Variants in BRINP3 observed in about 807,000 individuals in gnomAD.
BRINP3 encodes the protein BMP/retinoic acid-inducible neural-specific protein 3.
Under a neutral mutation model 71.0 loss-of-function variants are expected in BRINP3, and 19 were observed. The ratio of observed to expected loss-of-function variants is 0.27; its 90% CI spans 0.19 to 0.39. The LOEUF is 0.39. BRINP3 is among the 10% of genes least tolerant of loss of function. BRINP3 has a pLI of 1.00. For missense variants in BRINP3, 959 were observed against 940.8 expected (o/e 1.02, Z -0.25); for synonymous variants, 380 against 337.7 (o/e 1.13, Z -1.37).
At chr1:190,423,709 C>T (rs1673523763) in intron 2 of BRINP3, among the ~76,000 whole-genome samples, 1 of 151,666 alleles carries the variant, frequency 6.6e-6, no homozygotes, top group South Asian at 2.1e-4. Flanking sequence ...ATTTCTCAAA[C>T]TGTTGACTTT....
intron 4 of BRINP3, among the ~76,000 whole-genome samples, chr1:190,249,196 T>A (rs1219956689): frequency 6.6e-6 from 1 of 151,826 alleles, no homozygotes; most frequent in Non-Finnish European, 1.5e-5. Flanking sequence ...CAGTAGCCTA[T>A]TAGTTCTCAA....
At chr1:190,442,233 T>C (rs1674871983) in intron 2 of BRINP3, among the ~76,000 whole-genome samples, 1 of 152,218 alleles carries the variant, frequency 6.6e-6, no homozygotes, top group Admixed American at 6.5e-5. Context: ...AAATACTTTA[T>C]GAATTTTAAT....
At chr1:190,334,107 T>C (rs560684792) in intron 2 of BRINP3, among the ~76,000 whole-genome samples, 100 of 151,992 alleles carry the variant, frequency 6.6e-4, no homozygotes, top group Non-Finnish European at 1.2e-3. Flanking sequence ...ATAAAATTTG[T>C]TTAAATAATA....
rs1553283747 is a variant in BRINP3 at position 190,301,210 on chromosome 1, T to TACACACATAC, written c.237-19461_237-19460insGTATGTGTGT. Among the ~76,000 whole-genome samples the TACACACATAC allele has an allele frequency of 6.5e-5, 7 of 107,826 alleles. No homozygotes were observed. In the East Asian group the frequency reaches 8.4e-4, roughly 13 times the overall value. The allele number at this position is 107,826 out of a possible 152,430, so 70.7% of individuals were successfully genotyped here. On this transcript the variant is annotated intron_variant, in intron 2 of 7. Transcript: ENST00000367462. ...ATGTATATATATACACATACATATA[T>TACACACATAC]ATATATATATATATATATATATATA...
At chr1:190,368,047 G>T (rs546156456) in intron 2 of BRINP3, among the ~76,000 whole-genome samples, 2 of 152,176 alleles carry the variant, frequency 1.3e-5, no homozygotes, top group African/African-American at 4.8e-5. Flanking sequence ...GGTATCTTCA[G>T]AGCAGCACCC....
At chr1:190,189,611 T>C (rs1653853440) in intron 6 of BRINP3, among the ~76,000 whole-genome samples, 1 of 152,168 alleles carries the variant, frequency 6.6e-6, no homozygotes, top group Admixed American at 6.5e-5. Flanking sequence ...TAACTTTGTT[T>C]TTAATTTAAA....
At chr1:190,433,372 T>G (rs1164779288) in intron 2 of BRINP3, among the ~76,000 whole-genome samples, 1 of 152,174 alleles carries the variant, frequency 6.6e-6, no homozygotes, top group Non-Finnish European at 1.5e-5. Flanking sequence ...ACGATCTACT[T>G]TCTGGGTTCT....
rs1258392258 is a variant in BRINP3 at position 190,292,805 on chromosome 1, AT to A, written c.237-11056del. ...GTTGTATTTTTCCAAGAATGTATCC[AT>A]TTTTTCTAGGTTTTCCAATTTGTTA... On this transcript the variant is annotated intron_variant, in intron 2 of 7. Coordinates refer to ENST00000367462, the MANE Select transcript of BRINP3 (RefSeq NM_199051.3). Among the ~76,000 whole-genome samples, 38 of 151,938 alleles carry A rather than the reference AT, an allele frequency of 2.5e-4. No homozygotes were observed. In the East Asian group the frequency reaches 7.0e-3, roughly 28 times the overall value.
chr1:190,125,014 T>G (rs998604277), intron 7 of BRINP3, among the ~76,000 whole-genome samples: 2 of 151,988 alleles, frequency 1.3e-5, no homozygotes, highest in African/African-American at 4.8e-5. Context: ...GATAGGACCT[T>G]GGAGATCACC....
intron 2 of BRINP3, among the ~76,000 whole-genome samples, chr1:190,326,800 G>T (rs1252047875): frequency 6.6e-6 from 1 of 151,878 alleles, no homozygotes; most frequent in African/African-American, 2.4e-5. Flanking sequence ...ATACTTCAAG[G>T]AGTACCAAAC....
At chr1:190,104,437 A>G (rs959647180) in intron 7 of BRINP3, among the ~76,000 whole-genome samples, 10 of 152,214 alleles carry the variant, frequency 6.6e-5, no homozygotes, top group African/African-American at 2.4e-4. Context: ...TATTCCTATT[A>G]TGAATGTTAT....
intron 7 of BRINP3, among the ~76,000 whole-genome samples, chr1:190,128,175 C>T (rs1051268360): frequency 2.0e-5 from 3 of 151,756 alleles, no homozygotes; most frequent in Non-Finnish European, 4.4e-5. Context: ...CTTTGAACTT[C>T]GTTATTCTTC....
At chr1:190,280,395 C>T (rs1662944282) in intron 3 of BRINP3, among the ~76,000 whole-genome samples, 1 of 151,566 alleles carries the variant, frequency 6.6e-6, no homozygotes, top group South Asian at 2.1e-4. Flanking sequence ...TCAGTTAAAA[C>T]AGTGAATATG....
intron 6 of BRINP3, among the ~76,000 whole-genome samples, chr1:190,164,083 A>C (rs1447334755): frequency 6.6e-6 from 1 of 152,032 alleles, no homozygotes; most frequent in Non-Finnish European, 1.5e-5. Flanking sequence ...GGGAACTGAA[A>C]ATTTTGGGGA....
At chr1:190,451,028 A>G (rs1011550107) in intron 2 of BRINP3, among the ~76,000 whole-genome samples, 4 of 152,062 alleles carry the variant, frequency 2.6e-5, no homozygotes, top group East Asian at 1.9e-4. Flanking sequence ...CCTATTCTCA[A>G]ATTGGAGCAT....
At chr1:190,419,043 T>C (rs1263929788) in intron 2 of BRINP3, among the ~76,000 whole-genome samples, 1 of 152,134 alleles carries the variant, frequency 6.6e-6, no homozygotes. Flanking sequence ...ATATTTTCTA[T>C]GTAAGATACC....
intron 7 of BRINP3, among the ~76,000 whole-genome samples, chr1:190,148,321 G>T (rs1656075699): frequency 1.3e-5 from 2 of 151,848 alleles, no homozygotes; most frequent in South Asian, 4.1e-4. Flanking sequence ...TTCTTGCCGG[G>T]TGCAGTGGCT....
chr1:190,355,895 G>C (rs1668697879), intron 2 of BRINP3, among the ~76,000 whole-genome samples: 1 of 151,854 alleles, frequency 6.6e-6, no homozygotes, highest in African/African-American at 2.4e-5. Flanking sequence ...GTATAGGATT[G>C]CATTTCTAAG....
At chr1:190,404,763 CAT>C (rs1284056137) in intron 2 of BRINP3, among the ~76,000 whole-genome samples, 1 of 152,134 alleles carries the variant, frequency 6.6e-6, no homozygotes, top group African/African-American at 2.4e-5. Flanking sequence ...GAATAATACA[CAT>C]AGTTTTATAG....
Sources: allele counts gnomAD v4.1 joint callset (sites outside exome capture counted in the v4.1 genomes callset), GRCh38; gene constraint gnomAD v4.1.1; transcripts MANE v1.5; gene names NCBI Gene and HGNC (gene_info 2026-07-23, HGNC 2026-07-21).